The following CNKSR2 variants were observed in gnomAD, a reference collection of about 807,000 sequenced individuals.
CNKSR2 encodes the protein CNK homolog protein 2.
A neutral mutation model predicts 84.4 loss-of-function variants in CNKSR2; 14 were observed. The observed-to-expected ratio is 0.17, with a 90% CI of 0.11 to 0.26. CNKSR2 has a LOEUF of 0.26. Ranked by LOEUF, CNKSR2 falls within the 10% of genes least tolerant of loss-of-function variation. The probability of loss-of-function intolerance (pLI) is 1.00; values close to 1 mark genes in which losing one functional copy is unlikely to be tolerated. For missense variants in CNKSR2, 485 were observed against 771.2 expected, an observed-to-expected ratio of 0.63 and a Z score of 4.40; for synonymous variants, 275 against 277.9, an observed-to-expected ratio of 0.99 and a Z score of 0.10.
chrX:21,582,120 A>G (rs1209090542), intron 13 of CNKSR2, among the ~76,000 whole-genome samples: 3 of 111,607 alleles, frequency 2.7e-5, no homozygotes, highest in Non-Finnish European at 5.6e-5. Context: ...TTTCTGTCTC[A>G]ATTGCAAAAT....
intron 20 of CNKSR2, chrX:21,645,597 G>C (rs1248593047): frequency 9.0e-6 from 1 of 111,281 alleles, no homozygotes; most frequent in African/African-American, 3.3e-5. Flanking sequence ...AAAAGAGCTG[G>C]TTTTCAGCCA....
chrX:21,525,090 T>C (rs1313514540), intron 9 of CNKSR2, among the ~76,000 whole-genome samples: 2 of 111,417 alleles, frequency 1.8e-5, no homozygotes, highest in African/African-American at 3.2e-5. Context: ...GGAAAACAGT[T>C]ATAAACAGAG....
intron 17 of CNKSR2, among the ~76,000 whole-genome samples, chrX:21,600,353 C>A (rs921057688): frequency 8.9e-6 from 1 of 112,028 alleles, no homozygotes; most frequent in African/African-American, 3.2e-5. Flanking sequence ...TTAGATTATT[C>A]CACAACTTAA....
intron 20 of CNKSR2, chrX:21,642,890 T>C (rs2092696150): frequency 1.5e-6 from 1 of 688,156 alleles, no homozygotes; most frequent in Admixed American, 9.0e-5. Flanking sequence ...CTCTAACCAT[T>C]TTAATGTGTT....
intron 11 of CNKSR2, among the ~76,000 whole-genome samples, chrX:21,551,189 G>A (rs747932412): frequency 5.1e-4 from 56 of 110,652 alleles, no homozygotes; most frequent in Non-Finnish European, 9.1e-4. Flanking sequence ...CACAGGGAGG[G>A]GAACATCACA....
intron 21 of CNKSR2, among the ~76,000 whole-genome samples, chrX:21,650,121 T>C (rs1569292814): frequency 9.0e-6 from 1 of 111,390 alleles, no homozygotes; most frequent in African/African-American, 3.3e-5. Flanking sequence ...AAGACACATG[T>C]ACATGTATGT....
rs758472523 is a variant in CNKSR2 at position 21,609,058 on chromosome X, C to G, written c.2146-13C>G. ...TATTTTGGCACAGACTAATCAGGGG[C>G]TCCTTTCTACAGATGAGTTGCGCCA... On this transcript the variant is annotated splice_polypyrimidine_tract_variant and intron_variant, in intron 19 of 21. Transcript: ENST00000379510. 2.5e-6 allele frequency: 3 copies of G among 1,185,399 alleles called. No individual in the cohort carries two copies. The highest frequency in any genetic ancestry group is 3.4e-6 in the Non-Finnish European group (3 of 882,175).
chrX:21,507,833 T>C (rs1344839764), intron 8 of CNKSR2, among the ~76,000 whole-genome samples: 1 of 111,926 alleles, frequency 8.9e-6, no homozygotes, highest in African/African-American at 3.2e-5. Context: ...TTATTATAAA[T>C]GGGAGCTTTA....
intron 8 of CNKSR2, chrX:21,505,834 A>G (rs1601875738): frequency 1.8e-5 from 2 of 111,510 alleles, no homozygotes; most frequent in South Asian, 7.5e-4. Flanking sequence ...AATCAATACC[A>G]TGATATTGTC....
At chrX:21,400,776 G>T (rs1214647386) in intron 1 of CNKSR2, among the ~76,000 whole-genome samples, 3 of 111,104 alleles carry the variant, frequency 2.7e-5, no homozygotes, top group Non-Finnish European at 5.7e-5. Flanking sequence ...ATAGGTTGTT[G>T]CCTGAATGAA....
At chrX:21,564,225 C>A (rs2092218586) in intron 13 of CNKSR2, among the ~76,000 whole-genome samples, 1 of 111,093 alleles carries the variant, frequency 9.0e-6, no homozygotes, top group Admixed American at 9.6e-5. Flanking sequence ...AGATGAGGAA[C>A]TGTATGATAA....
chrX:21,620,808 T>C (rs2092598443), intron 20 of CNKSR2, among the ~76,000 whole-genome samples: 1 of 110,544 alleles, frequency 9.0e-6, no homozygotes, highest in Non-Finnish European at 1.9e-5. Flanking sequence ...AGGCTGATTT[T>C]AGATTGATAT....
intron 20 of CNKSR2, among the ~76,000 whole-genome samples, chrX:21,625,327 G>A (rs762546790): frequency 7.5e-4 from 84 of 111,666 alleles, no homozygotes; most frequent in Non-Finnish European, 7.1e-4. Flanking sequence ...GATCCATGTG[G>A]TACAGAAACC....
intron 3 of CNKSR2, among the ~76,000 whole-genome samples, chrX:21,438,115 T>G (rs1043227864): frequency 8.9e-6 from 1 of 112,018 alleles, no homozygotes; most frequent in African/African-American, 3.2e-5. Flanking sequence ...ATTGGCAATT[T>G]TGTTGTTGTG....
At chrX:21,522,868 A>G (rs1302145534) in intron 9 of CNKSR2, among the ~76,000 whole-genome samples, 1 of 111,031 alleles carries the variant, frequency 9.0e-6, no homozygotes, top group Non-Finnish European at 1.9e-5. Context: ...GTCATACCCT[A>G]TTTTGTGACA....
intron 2 of CNKSR2, among the ~76,000 whole-genome samples, chrX:21,430,568 G>T (rs1474742318): frequency 9.0e-6 from 1 of 111,402 alleles, no homozygotes; most frequent in East Asian, 2.8e-4. Context: ...GCAAACAAAT[G>T]TTTTCTTATT....
intron 20 of CNKSR2, among the ~76,000 whole-genome samples, chrX:21,629,160 A>C (rs1405065485): frequency 8.9e-6 from 1 of 112,205 alleles, no homozygotes; most frequent in African/African-American, 3.2e-5. Flanking sequence ...CCAGTTCCCC[A>C]CAAGTTCCTC....
At position 21,497,846 on chromosome X, in the gene CNKSR2, T is replaced by C; in HGVS notation, c.741T>C (p.Asn247=). 1 of 865,980 alleles carries C rather than the reference T, an allele frequency of 1.2e-6. No homozygotes were observed. Among genetic ancestry groups the C allele is most frequent in the Non-Finnish European group, 1.7e-6 (1 of 581,066 alleles). The allele number at this position is 865,980 out of a possible 1,213,427, so 71.4% of individuals were successfully genotyped here. The part of the protein sequence containing the change: ...GLHVITGTTE[N]SPADRCKKIH... ...ATGTAATTACTGGAACCACAGAAAATGTAAGTATTCTAACCTTTCAAATTT... is the reference window on the plus strand; with the variant it reads ...ATGTAATTACTGGAACCACAGAAAACGTAAGTATTCTAACCTTTCAAATTT... Residue 247 remains asparagine (N), a splice_region_variant and synonymous_variant, in exon 7 of 22, where the codon AAT becomes AAC. Coordinates refer to ENST00000379510, the MANE Select transcript of CNKSR2 (RefSeq NM_014927.5).
intron 11 of CNKSR2, among the ~76,000 whole-genome samples, chrX:21,555,709 T>C (rs1315195050): frequency 1.8e-5 from 2 of 111,632 alleles, no homozygotes; most frequent in African/African-American, 3.2e-5. Flanking sequence ...ATGTGTATAC[T>C]TTTTCTGAGA....
Sources: gnomAD v4.1 joint callset for allele counts (sites outside exome capture counted in the v4.1 genomes callset) on GRCh38, gnomAD v4.1.1 for gene constraint, MANE v1.5 for transcripts, NCBI Gene and HGNC (gene_info 2026-07-23, HGNC 2026-07-21) for gene names.